CDH18: variants seen among roughly 807,000 people sequenced by gnomAD.
CDH18 encodes cadherin-18.
Under a neutral mutation model 67.9 loss-of-function variants are expected in CDH18, and 31 were observed. That is an observed-to-expected ratio of 0.46 (90% CI 0.34 to 0.62). The LOEUF (loss-of-function observed/expected upper bound fraction) is 0.62, where lower values mean the gene tolerates loss of function less well. CDH18 is among the 20% of genes least tolerant of loss of function. The pLI, the probability that CDH18 is intolerant of heterozygous loss-of-function variation, is 0.01. For missense variants in CDH18, 890 were observed against 975.5 expected (o/e 0.91, Z 1.17); for synonymous variants, 362 against 347.2 (o/e 1.04, Z -0.48).
intron 3 of CDH18, among the ~76,000 whole-genome samples, chr5:19,773,298 T>A (rs1015025884): frequency 2.0e-5 from 3 of 152,200 alleles, no homozygotes; most frequent in African/African-American, 7.2e-5. Context: ...TTGAATGGCA[T>A]GCTTTGTAGT....
intron 5 of CDH18, among the ~76,000 whole-genome samples, chr5:19,687,854 T>TGGTG (rs1290602744): frequency 6.6e-6 from 1 of 152,212 alleles, no homozygotes; most frequent in African/African-American, 2.4e-5. Flanking sequence ...CCACTGCTGA[T>TGGTG]GGTGGGCCTG....
intron 4 of CDH18, among the ~76,000 whole-genome samples, chr5:19,734,946 A>C (rs914666685): frequency 6.6e-6 from 1 of 152,176 alleles, no homozygotes; most frequent in Non-Finnish European, 1.5e-5. Context: ...TAAGCAATAA[A>C]AGTTGATTTC....
At chr5:20,286,341 C>T (rs1746694303) in intron 1 of CDH18, among the ~76,000 whole-genome samples, 1 of 151,554 alleles carries the variant, frequency 6.6e-6, no homozygotes, top group Non-Finnish European at 1.5e-5. Context: ...ATATGATTAG[C>T]TGCTACTTAT....
At chr5:19,682,552 A>G (rs770538971) in intron 5 of CDH18, among the ~76,000 whole-genome samples, 2 of 151,948 alleles carry the variant, frequency 1.3e-5, no homozygotes, top group Non-Finnish European at 2.9e-5. Context: ...TTTATGTTCT[A>G]TTAACTCCAG....
intron 2 of CDH18, among the ~76,000 whole-genome samples, chr5:20,044,589 T>C (rs1740750407): frequency 6.6e-6 from 1 of 152,124 alleles, no homozygotes; most frequent in African/African-American, 2.4e-5. Context: ...CAAAAGATCT[T>C]CTTTGCACCA....
chr5:19,656,860 C>T (rs1756478245), intron 5 of CDH18, among the ~76,000 whole-genome samples: 1 of 151,270 alleles, frequency 6.6e-6, no homozygotes, highest in Non-Finnish European at 1.5e-5. Context: ...CTCTCTCCCT[C>T]TCTCTCTCTG....
chr5:19,609,115 T>C (rs983487309), intron 6 of CDH18, among the ~76,000 whole-genome samples: 4 of 151,870 alleles, frequency 2.6e-5, no homozygotes, highest in African/African-American at 7.2e-5. Context: ...GAATAGGAAA[T>C]GGCAGAATAA....
rs1271678409 is a variant in CDH18, at chr5:19,471,499, T to C, written c.*1727A>G. Among the ~76,000 whole-genome samples, 1 of 152,038 alleles carries C rather than the reference T, an allele frequency of 6.6e-6. No homozygotes were observed. The highest frequency in any genetic ancestry group is 1.5e-5 in the Non-Finnish European group (1 of 68,000). ...ATATAACTTTTGGGGACACTGATAA[T>C]GATAAATTTAAAGAGCAAAGGAAAA... On this transcript the variant is annotated 3_prime_UTR_variant, in exon 13 of 13. Transcript: ENST00000382275.
chr5:20,296,513 A>G (rs1747547278), intron 1 of CDH18, among the ~76,000 whole-genome samples: 2 of 152,012 alleles, frequency 1.3e-5, no homozygotes, highest in South Asian at 2.1e-4. Flanking sequence ...TGCCCGCTTC[A>G]GCCTCCCAAA....
intron 4 of CDH18, among the ~76,000 whole-genome samples, chr5:19,746,542 G>A (rs1416945751): frequency 6.6e-6 from 1 of 152,108 alleles, no homozygotes; most frequent in Non-Finnish European, 1.5e-5. Flanking sequence ...AAGACCTGGA[G>A]ACAAAAATTT....
chr5:19,539,084 G>A (rs1174201934), intron 9 of CDH18, among the ~76,000 whole-genome samples: 2 of 152,068 alleles, frequency 1.3e-5, no homozygotes, highest in Admixed American at 6.6e-5. Flanking sequence ...CCACGGAATC[G>A]GTGCATGCAT....
chr5:20,295,007 A>T (rs1308517450), intron 1 of CDH18, among the ~76,000 whole-genome samples: 5 of 152,300 alleles, frequency 3.3e-5, no homozygotes, highest in Admixed American at 6.5e-5. Flanking sequence ...ATTTTACTTA[A>T]TAAAAAATTA....
At chr5:20,543,800 A>G (rs1421593497) in intron 1 of CDH18, among the ~76,000 whole-genome samples, 1 of 152,166 alleles carries the variant, frequency 6.6e-6, no homozygotes, top group Non-Finnish European at 1.5e-5. Flanking sequence ...ATAGGTCAGT[A>G]CAATTGTACA....
intron 1 of CDH18, among the ~76,000 whole-genome samples, chr5:20,447,040 G>C (rs1229333004): frequency 6.6e-6 from 1 of 151,888 alleles, no homozygotes; most frequent in Non-Finnish European, 1.5e-5. Context: ...AGATTTACTA[G>C]ATAAAATGTG....
At chr5:20,526,571 C>T (rs900914372) in intron 1 of CDH18, among the ~76,000 whole-genome samples, 1 of 152,078 alleles carries the variant, frequency 6.6e-6, no homozygotes, top group African/African-American at 2.4e-5. Flanking sequence ...CAGGGAGCAA[C>T]CTTTGCTGTT....
intron 1 of CDH18, among the ~76,000 whole-genome samples, chr5:20,511,310 T>C (rs770251852): frequency 6.6e-6 from 1 of 152,104 alleles, no homozygotes; most frequent in Non-Finnish European, 1.5e-5. Flanking sequence ...AATCCATAAG[T>C]GGACAAATAT....
intron 2 of CDH18, among the ~76,000 whole-genome samples, chr5:20,175,277 C>T (rs1279900716): frequency 6.6e-6 from 1 of 152,014 alleles, no homozygotes; most frequent in Non-Finnish European, 1.5e-5. Context: ...AGATCAGGTG[C>T]TAAAAACCCC....
intron 2 of CDH18, among the ~76,000 whole-genome samples, chr5:20,010,310 A>G (rs189411708): frequency 3.4e-4 from 51 of 151,924 alleles, no homozygotes; most frequent in Admixed American, 2.8e-3. Context: ...TCTTGGTTCA[A>G]TTGATTCTCC....
At chr5:19,722,923 T>A (rs571866338) in intron 4 of CDH18, among the ~76,000 whole-genome samples, 2 of 152,164 alleles carry the variant, frequency 1.3e-5, no homozygotes, top group Non-Finnish European at 2.9e-5. Flanking sequence ...CTAATGTCCG[T>A]TCAACTAGAA....
Sources: allele counts gnomAD v4.1 joint callset (sites outside exome capture counted in the v4.1 genomes callset), GRCh38; gene constraint gnomAD v4.1.1; transcripts MANE v1.5; gene names NCBI Gene and HGNC (gene_info 2026-07-23, HGNC 2026-07-21).